The following NRAP variants were observed in gnomAD, a reference collection of about 807,000 sequenced individuals.
The protein encoded by NRAP is nebulin related anchoring protein, also known as nebulin-related-anchoring protein.
A neutral mutation model predicts 225.9 loss-of-function variants in NRAP; 189 were observed. That is an observed-to-expected ratio of 0.84 (90% CI 0.74 to 0.94). The LOEUF (loss-of-function observed/expected upper bound fraction) is 0.94, where lower values mean the gene tolerates loss of function less well. NRAP is among the 40% of genes least tolerant of loss of function. The probability of loss-of-function intolerance (pLI) is 0.00; values close to 1 mark genes in which losing one functional copy is unlikely to be tolerated. For synonymous variants in NRAP, 769 were observed against 790.7 expected, an observed-to-expected ratio of 0.97 and a Z score of 0.46; for missense variants, 2,176 against 2,168.7, an observed-to-expected ratio of 1.00 and a Z score of -0.07.
At chr10:113,591,382 C>A (rs1307707425) in intron 39 of NRAP, among the ~76,000 whole-genome samples, 1 of 152,182 alleles carries the variant, frequency 6.6e-6, no homozygotes, top group Non-Finnish European at 1.5e-5. Flanking sequence ...CATCAAAGAC[C>A]CATGTATGGT....
At chr10:113,637,237 TC>T (rs1360001724) in intron 14 of NRAP, among the ~76,000 whole-genome samples, 6 of 152,162 alleles carry the variant, frequency 3.9e-5, no homozygotes, top group African/African-American at 7.2e-5. Flanking sequence ...ACTCATTTAA[TC>T]CTTCCCACCA....
chr10:113,640,236 G>A lies in NRAP; in HGVS notation c.1419C>T (p.Pro473=). ...TTGGAAAAGAACTTACATCTTTCAA[G>A]GGCACCAGTTTCATAGCTGTTTGAT... The part of the protein sequence containing the change: ...PSYQTAMKLV[P]LKDANYRQSI... The change falls in exon 14 of 42, where the codon CCC becomes CCT. Residue 473 remains proline, a synonymous_variant. Coordinates refer to ENST00000359988, the MANE Select transcript of NRAP (RefSeq NM_198060.4). The A allele has an allele frequency of 6.3e-7, 1 of 1,589,786 alleles. No individual in the cohort carries two copies. Among genetic ancestry groups the A allele is most frequent in the East Asian group, 2.3e-5 (1 of 43,958 alleles).
At position 113,650,096 on chromosome 10, in the gene NRAP, C is replaced by G. The variant is rs1309089742; in HGVS notation, c.829G>C (p.Gly277Arg). The G allele has an allele frequency of 6.2e-7, 1 of 1,612,854 alleles. No individual in the cohort carries two copies. The highest frequency in any genetic ancestry group is 8.5e-7 in the Non-Finnish European group (1 of 1,178,870). ...QYQKEMRGMAGPAIGAEGILT... is the reference protein window; with the variant it reads ...QYQKEMRGMARPAIGAEGILT... ...ATGCCCTCAGCTCCAATGGCTGGAC[C>G]AGCCATTCCCCTCATTTCTTTTTGA... Residue 277 changes from glycine (G) to arginine (R), a missense_variant, in exon 9 of 42, where the codon GGT (glycine) becomes CGT (arginine). Gly to Arg is a moderately radical substitution (Grantham distance 125). Coordinates refer to ENST00000359988, the MANE Select transcript of NRAP (RefSeq NM_198060.4).
intron 13 of NRAP, 104 bp from the exon 14 acceptor site, chr10:113,640,435 T>C: frequency 1.6e-6 from 1 of 607,930 alleles, no homozygotes; most frequent in Non-Finnish European, 2.8e-6. Flanking sequence ...CAGAAACGAA[T>C]TCAGTTTCAT....
intron 25 of NRAP, among the ~76,000 whole-genome samples, chr10:113,617,851 C>A (rs138260375): frequency 6.6e-6 from 1 of 152,244 alleles, no homozygotes; most frequent in Non-Finnish European, 1.5e-5. Context: ...TTTTTATAGG[C>A]TTCAAATACT....
At chr10:113,597,834 C>G in intron 36 of NRAP, 135 bp downstream of exon 36, 2 of 698,420 alleles carry the variant, frequency 2.9e-6, no homozygotes, top group East Asian at 5.3e-5. Flanking sequence ...TTTGGTTGCA[C>G]ATGGCCCTCC....
At chr10:113,606,914 A>G (rs1847002806) in intron 32 of NRAP, among the ~76,000 whole-genome samples, 1 of 151,468 alleles carries the variant, frequency 6.6e-6, no homozygotes, top group East Asian at 1.9e-4. Context: ...AAAAATACAA[A>G]ACTTAGGGCC....
At chr10:113,660,777 T>C (rs1370695690) in intron 3 of NRAP, among the ~76,000 whole-genome samples, 2 of 152,318 alleles carry the variant, frequency 1.3e-5, no homozygotes, top group East Asian at 1.9e-4. Context: ...TTTGAAAACA[T>C]GAACAAGTGC....
chr10:113,657,345 G>A (rs986291709), intron 4 of NRAP, 125 bp downstream of exon 4: 99 of 632,466 alleles, frequency 1.6e-4, no homozygotes, highest in Admixed American at 1.1e-4. Context: ...ATAGACAGCT[G>A]GAATTACAAA....
At chr10:113,642,515 A>C (rs1849265609) in intron 12 of NRAP, among the ~76,000 whole-genome samples, 1 of 152,178 alleles carries the variant, frequency 6.6e-6, no homozygotes, top group South Asian at 2.1e-4. Flanking sequence ...ATATCTGTTC[A>C]TCTGTAAGAT....
In NRAP at chr10:113,628,609, A is replaced by G. The variant is rs2419853; in HGVS notation, c.2145+308T>C. 3.3e-5 allele frequency among the ~76,000 whole-genome samples: 5 copies of G among 152,178 alleles called. No homozygotes were observed. The South Asian group carries it at 6.2e-4, about 19-fold the overall frequency. ...ACTTTCTGATTCAAAAGGAATCACA[A>G]GCTGCTCACCTAAGAAGTGCTGTTT... On this transcript the variant is annotated intron_variant, in intron 20 of 41. Coordinates refer to ENST00000359988, the MANE Select transcript of NRAP (RefSeq NM_198060.4).
intron 4 of NRAP, among the ~76,000 whole-genome samples, chr10:113,656,875 A>C (rs759032930): frequency 3.3e-5 from 5 of 152,246 alleles, no homozygotes; most frequent in Non-Finnish European, 7.3e-5. Context: ...TGGTGGATAA[A>C]GGGTTAGCTT....
intron 9 of NRAP, among the ~76,000 whole-genome samples, chr10:113,648,225 T>A (rs939030003): frequency 3.3e-5 from 5 of 152,118 alleles, no homozygotes; most frequent in Non-Finnish European, 7.4e-5. Context: ...AATAGTTGGG[T>A]CAGATTAGAA....
Position 113,633,109 on chromosome 10 carries a change from T to C in NRAP, c.1607A>G (p.Lys536Arg). ...PQDVPQLVKA[K>R]TNAKLFSEVK... is the part of the protein sequence containing the mutation. ...CTCACTGAAGAGTTTGGCATTGGTT[T>C]TGGCCTTCACCAGCTGAGGAACATC... The change falls in exon 16 of 42, where the codon AAA becomes AGA. Residue 536 changes from lysine (K) to arginine (R), a missense_variant. Physicochemically the swap from Lys to Arg is conservative, Grantham distance 26. Transcript: ENST00000359988. The C allele has an allele frequency of 6.2e-7, 1 of 1,601,600 alleles. No homozygotes were observed. The highest frequency in any genetic ancestry group is 1.1e-5 in the South Asian group (1 of 90,856).
chr10:113,638,863 T>C (rs1849029559), intron 14 of NRAP, among the ~76,000 whole-genome samples: 1 of 152,166 alleles, frequency 6.6e-6, no homozygotes, highest in South Asian at 2.1e-4. Context: ...TCTAATTCAG[T>C]CTGGTTTAAG....
In NRAP at chr10:113,657,678, T is replaced by C. The variant is rs12249747; in HGVS notation, c.256-104A>G. 3,143 of 718,764 alleles carry C rather than the reference T, an allele frequency of 4.4e-3. 81 individuals carry two copies. The African/African-American group carries it at 0.048, about 11-fold the overall frequency. The allele number at this position is 718,764 out of a possible 1,614,324, so 44.5% of individuals were successfully genotyped here. A position where few individuals can be genotyped will look rare whatever the true frequency, so the allele number is the denominator to read the frequency against. ...TTGGGGGATTTTGCTAAGTCTCAAC[T>C]GCAAAGCATCTTCACTGTGCTGCAA... is the stretch of plus-strand genomic sequence containing the variant. On this transcript the variant is annotated intron_variant, in intron 3 of 41. Coordinates refer to ENST00000359988, the MANE Select transcript of NRAP (RefSeq NM_198060.4).
At position 113,650,505 on chromosome 10, in the gene NRAP, C is replaced by T. The variant is rs767324362; in HGVS notation, c.716G>A (p.Gly239Asp). The change falls in exon 8 of 42, where the codon GGC becomes GAC. Residue 239 changes from glycine to aspartate, a missense_variant. By Grantham distance (94) the Gly-to-Asp change is moderately conservative (BLOSUM62 -1). This residue lies in a region of NRAP where 1,708 missense variants were observed against 1,695.5 expected (regional missense o/e 1.01). Transcript: ENST00000359988. ...GGGTGTGATCATCGCAGGGAAACTGCCTTTCCCTCTTTGTTGTTCATAGTC... is the reference window on the plus strand; with the variant it reads ...GGGTGTGATCATCGCAGGGAAACTGTCTTTCCCTCTTTGTTGTTCATAGTC... ...TEDYEQQRGKGSFPAMITPAY... is the reference protein window; with the variant it reads ...TEDYEQQRGKDSFPAMITPAY... The T allele has an allele frequency of 1.2e-6, 2 of 1,613,778 alleles. No homozygotes were observed. Among genetic ancestry groups the T allele is most frequent in the Non-Finnish European group, 1.7e-6 (2 of 1,179,724 alleles).
Position 113,633,136 on chromosome 10 carries a change from TG to T in NRAP, c.1579del (p.Gln527ArgfsTer7), listed in dbSNP as rs1564738402. The T allele has an allele frequency of 5.6e-6, 9 of 1,610,428 alleles. No individual in the cohort carries two copies. Among genetic ancestry groups the T allele is most frequent in the Middle Eastern group, 1.7e-4 (1 of 6,046 alleles). On this transcript the variant is annotated frameshift_variant, in exon 16 of 42. Coordinates refer to ENST00000359988, the MANE Select transcript of NRAP (RefSeq NM_198060.4). LOFTEE classifies it high-confidence loss of function. The stretch of plus-strand genomic sequence containing the variant: ...GGCCTTCACCAGCTGAGGAACATCC[TG>T]GGGCAATGTGTAATTCAACTTATTT... ...EKNKLNYTLPQDVPQLVKAKT... is the reference protein window; with the variant it reads ...EKNKLNYTLPXDVPQLVKAKT...
At chr10:113,662,930 G>GA (rs1435222304) in intron 2 of NRAP, among the ~76,000 whole-genome samples, 164 bp from the exon 3 acceptor site, 5 of 151,300 alleles carry the variant, frequency 3.3e-5, no homozygotes, top group African/African-American at 9.7e-5. Context: ...GCATCTTACA[G>GA]AAAAAAAAGC....
Sources: allele counts gnomAD v4.1 joint callset (sites outside exome capture counted in the v4.1 genomes callset), GRCh38; gene constraint gnomAD v4.1.1; regional missense constraint gnomAD v4.1.1; transcripts MANE v1.5; gene names NCBI Gene and HGNC (gene_info 2026-07-23, HGNC 2026-07-21).